Variants in IL1RAPL2 observed in about 807,000 individuals in gnomAD.
IL1RAPL2 encodes the protein interleukin 1 receptor accessory protein like 2.
IL1RAPL2 carries 3 observed loss-of-function variants against 44.1 expected under a neutral mutation model. The observed-to-expected ratio is 0.07, with a 90% CI of 0.03 to 0.18. IL1RAPL2 has a LOEUF of 0.18. Ranked by LOEUF, IL1RAPL2 falls within the 10% of genes least tolerant of loss-of-function variation. The pLI, the probability that IL1RAPL2 is intolerant of heterozygous loss-of-function variation, is 1.00. For synonymous variants in IL1RAPL2, 181 were observed against 178.8 expected (o/e 1.01, Z -0.10); for missense variants, 391 against 496.4 (o/e 0.79, Z 2.02).
intron 2 of IL1RAPL2, among the ~76,000 whole-genome samples, chrX:104,970,407 G>A (rs914472448): frequency 4.5e-5 from 5 of 112,119 alleles, no homozygotes; most frequent in Admixed American, 9.4e-5. Flanking sequence ...AAACAGCAGT[G>A]TACAGCAGCA....
chrX:104,580,388 T>A (rs1405806137), intron 1 of IL1RAPL2, among the ~76,000 whole-genome samples: 1 of 113,040 alleles, frequency 8.8e-6, no homozygotes, highest in African/African-American at 3.2e-5. Context: ...CAGTTGTACT[T>A]CAGGCACGCC....
chrX:105,176,604 G>A (rs2033476535), intron 2 of IL1RAPL2, among the ~76,000 whole-genome samples: 2 of 110,639 alleles, frequency 1.8e-5, no homozygotes, highest in Admixed American at 1.9e-4. Context: ...TGTGCCAGTT[G>A]CATAAGCACT....
chrX:104,926,433 T>G (rs1924774103), intron 2 of IL1RAPL2, among the ~76,000 whole-genome samples: 1 of 111,635 alleles, frequency 9.0e-6, no homozygotes, highest in Admixed American at 9.6e-5. Flanking sequence ...TGTCATTGCT[T>G]TTGAAAAACA....
intron 2 of IL1RAPL2, among the ~76,000 whole-genome samples, chrX:104,889,099 A>G (rs1351867026): frequency 9.0e-6 from 1 of 110,696 alleles, no homozygotes; most frequent in Non-Finnish European, 1.9e-5. Flanking sequence ...AAACAGCTCC[A>G]TTCAGATGGC....
Position 104,780,474 on chromosome X carries a change from A to G in IL1RAPL2, c.82+121479A>G, listed in dbSNP as rs1024119575. On this transcript the variant is annotated intron_variant, in intron 2 of 10. Coordinates refer to ENST00000372582, the MANE Select transcript of IL1RAPL2 (RefSeq NM_017416.2). ...TAGGAAGGGGGTGTCAGTTTCAGCC[A>G]TGGTATTCTTGTAGTATTATTTAGG... is the stretch of plus-strand genomic sequence containing the variant. 3.2e-4 allele frequency among the ~76,000 whole-genome samples: 36 copies of G among 111,509 alleles called. No homozygotes were observed. In the Admixed American group the frequency reaches 3.3e-3, roughly 10 times the overall value.
chrX:105,195,999 G>A (rs370584107), intron 3 of IL1RAPL2, among the ~76,000 whole-genome samples: 2 of 111,202 alleles, frequency 1.8e-5, no homozygotes, highest in South Asian at 3.8e-4. Flanking sequence ...TTTGTGACTC[G>A]GGCCGGGCGC....
At chrX:105,587,088 A>G (rs1226238783) in intron 6 of IL1RAPL2, among the ~76,000 whole-genome samples, 2 of 111,632 alleles carry the variant, frequency 1.8e-5, no homozygotes, top group Non-Finnish European at 3.8e-5. Context: ...CTCTCAGGGC[A>G]TATATTTTCT....
intron 2 of IL1RAPL2, among the ~76,000 whole-genome samples, chrX:104,798,910 A>C (rs1932868019): frequency 9.0e-6 from 1 of 111,318 alleles, no homozygotes; most frequent in Admixed American, 9.5e-5. Flanking sequence ...TAATGAAAAC[A>C]TGTCCACATG....
chrX:105,554,544 G>T (rs1403051347), intron 6 of IL1RAPL2, among the ~76,000 whole-genome samples: 1 of 111,073 alleles, frequency 9.0e-6, no homozygotes, highest in East Asian at 2.8e-4. Context: ...CATTTTTGGA[G>T]CTTCAATGAC....
At chrX:105,741,147 A>C in intron 8 of IL1RAPL2, among the ~76,000 whole-genome samples, 1 of 112,160 alleles carries the variant, frequency 8.9e-6, no homozygotes, top group East Asian at 2.8e-4. Flanking sequence ...CATAAAAATT[A>C]TAAACCATAT....
intron 2 of IL1RAPL2, among the ~76,000 whole-genome samples, chrX:104,859,641 T>C (rs754107891): frequency 1.8e-5 from 2 of 112,166 alleles, no homozygotes; most frequent in South Asian, 3.7e-4. Context: ...GAAGCTGTAA[T>C]TTAGGGAAAA....
At chrX:105,068,731 G>T (rs1303846986) in intron 2 of IL1RAPL2, among the ~76,000 whole-genome samples, 1 of 111,602 alleles carries the variant, frequency 9.0e-6, no homozygotes, top group Non-Finnish European at 1.9e-5. Context: ...GTGTTAGGTT[G>T]ACATCCAATT....
intron 5 of IL1RAPL2, among the ~76,000 whole-genome samples, chrX:105,399,758 TA>T (rs887414250): frequency 9.0e-6 from 1 of 110,960 alleles, no homozygotes; most frequent in African/African-American, 3.3e-5. Flanking sequence ...GATATAATGG[TA>T]AAAAAATAGA....
At chrX:105,044,447 CAG>C (rs1371475671) in intron 2 of IL1RAPL2, among the ~76,000 whole-genome samples, 1 of 110,044 alleles carries the variant, frequency 9.1e-6, no homozygotes, top group Non-Finnish European at 1.9e-5. Context: ...TGACATCAGA[CAG>C]GGGGTGGTAA....
At chrX:104,947,862 C>T (rs1357679589) in intron 2 of IL1RAPL2, among the ~76,000 whole-genome samples, 1 of 112,023 alleles carries the variant, frequency 8.9e-6, no homozygotes, top group East Asian at 2.8e-4. Context: ...ATGCCTCCGG[C>T]TTTCTTCTTT....
At position 104,609,768 on chromosome X, in the gene IL1RAPL2, T is replaced by TC. The variant is rs929187234; in HGVS notation, c.-20+42717_-20+42718insC. ...CATTCCTCTAACCTTTTTTCAAGGTTTTAGCTTCCTTGCCATGGGTTAGAA... is the reference window on the plus strand; with the variant it reads ...CATTCCTCTAACCTTTTTTCAAGGTTCTTAGCTTCCTTGCCATGGGTTAGAA... On this transcript the variant is annotated intron_variant, in intron 1 of 10. Coordinates refer to ENST00000372582, the MANE Select transcript of IL1RAPL2 (RefSeq NM_017416.2). 9.8e-5 allele frequency among the ~76,000 whole-genome samples: 11 copies of TC among 111,785 alleles called. No individual in the cohort carries two copies. The East Asian group carries it at 2.0e-3, about 20-fold the overall frequency.
chrX:104,663,660 G>A (rs1930440433), intron 2 of IL1RAPL2, among the ~76,000 whole-genome samples: 1 of 107,891 alleles, frequency 9.3e-6, no homozygotes, highest in Non-Finnish European at 1.9e-5. Flanking sequence ...CTTCTCTGGA[G>A]GAAAATGGAT....
chrX:105,374,873 G>A (rs988022863), intron 5 of IL1RAPL2, among the ~76,000 whole-genome samples: 10 of 103,736 alleles, frequency 9.6e-5, no homozygotes, highest in Non-Finnish European at 1.6e-4. Flanking sequence ...GCGTGAACCC[G>A]GTAGACGGAG....
At chrX:105,410,527 A>G (rs748829021) in intron 5 of IL1RAPL2, among the ~76,000 whole-genome samples, 8 of 111,190 alleles carry the variant, frequency 7.2e-5, no homozygotes, top group Non-Finnish European at 1.5e-4. Context: ...AGAAGAGGAT[A>G]TAGAGTGAGG....
Sources: gnomAD v4.1 joint callset for allele counts (sites outside exome capture counted in the v4.1 genomes callset) on GRCh38, gnomAD v4.1.1 for gene constraint, MANE v1.5 for transcripts, NCBI Gene and HGNC (gene_info 2026-07-23, HGNC 2026-07-21) for gene names.